LRRC7: variants seen among roughly 807,000 people sequenced by gnomAD.
LRRC7 encodes the protein leucine rich repeat containing 7.
In LRRC7, 23 loss-of-function variants were observed where a neutral mutation model predicts 175.7. The ratio of observed to expected loss-of-function variants is 0.13; its 90% CI spans 0.09 to 0.19. The LOEUF (loss-of-function observed/expected upper bound fraction) is 0.19, where lower values mean the gene tolerates loss of function less well. Among genes scored for constraint, LRRC7 ranks in the 10% least tolerant of loss-of-function variants. The probability of loss-of-function intolerance (pLI) is 1.00; values close to 1 mark genes in which losing one functional copy is unlikely to be tolerated. For synonymous variants in LRRC7, 685 were observed against 680.9 expected (o/e 1.01, Z -0.09); for missense variants, 1,354 against 1,904.7 (o/e 0.71, Z 5.38).
chr1:69,608,889 T>C (rs1648218917), intron 1 of LRRC7, among the ~76,000 whole-genome samples: 1 of 135,112 alleles, frequency 7.4e-6, no homozygotes, highest in African/African-American at 2.8e-5. Context: ...TATATATATA[T>C]ATATATATAT....
intron 7 of LRRC7, among the ~76,000 whole-genome samples, chr1:69,881,711 C>G (rs1686616093): frequency 1.0e-5 from 1 of 99,370 alleles, no homozygotes; most frequent in South Asian, 3.0e-4. Flanking sequence ...ATCCCCATCT[C>G]TACAAAAAAA....
At chr1:69,815,159 C>T (rs1469782559) in intron 4 of LRRC7, among the ~76,000 whole-genome samples, 1 of 152,120 alleles carries the variant, frequency 6.6e-6, no homozygotes, top group Non-Finnish European at 1.5e-5. Flanking sequence ...CACCATCATT[C>T]TGGGGATTCC....
intron 2 of LRRC7, among the ~76,000 whole-genome samples, chr1:69,719,983 C>T (rs1666175022): frequency 6.6e-6 from 1 of 151,570 alleles, no homozygotes; most frequent in South Asian, 2.1e-4. Context: ...GTGCACCCTT[C>T]TTTCAACCTT....
chr1:69,864,994 G>C lies in LRRC7; in HGVS notation c.647+26711G>C, dbSNP rs892757087. On this transcript the variant is annotated intron_variant, in intron 7 of 26. Coordinates refer to ENST00000651989, the MANE Select transcript of LRRC7 (RefSeq NM_001370785.2). ...GTCCTTGAAAAAAATCTCAGCATCT[G>C]TTTGCCATGAGAAAGTTGTTTGTTG... Among the ~76,000 whole-genome samples, 9 of 152,264 alleles carry C rather than the reference G, an allele frequency of 5.9e-5. No homozygotes were observed. In the East Asian group the frequency reaches 1.5e-3, roughly 26 times the overall value.
In LRRC7 at chr1:69,952,144, T is replaced by G. The variant is rs554205209; in HGVS notation, c.711+20574T>G. Among the ~76,000 whole-genome samples the G allele has an allele frequency of 2.6e-5, 4 of 152,102 alleles. No homozygotes were observed. The East Asian group carries it at 7.7e-4, about 29-fold the overall frequency. On this transcript the variant is annotated intron_variant, in intron 8 of 26. Transcript: ENST00000651989. The stretch of plus-strand genomic sequence containing the variant: ...AAATACATAAAAGTTTTACAAAGTT[T>G]AAGATGTTATATAATATAACTAATT...
At chr1:69,811,401 C>T (rs923283159) in intron 4 of LRRC7, among the ~76,000 whole-genome samples, 1 of 151,978 alleles carries the variant, frequency 6.6e-6, no homozygotes, top group African/African-American at 2.4e-5. Context: ...ACCATTTGAC[C>T]CAGCAATCTC....
At chr1:69,971,058 G>A (rs563049809) in intron 8 of LRRC7, among the ~76,000 whole-genome samples, 126 of 152,126 alleles carry the variant, frequency 8.3e-4, no homozygotes, top group Middle Eastern at 3.4e-3. Flanking sequence ...TGTAGAAAAA[G>A]CATTTAACAA....
chr1:70,008,468 G>A (rs1656190899), intron 11 of LRRC7, among the ~76,000 whole-genome samples: 6 of 152,140 alleles, frequency 3.9e-5, no homozygotes, highest in Admixed American at 3.9e-4. Flanking sequence ...TTTCTGCCAT[G>A]ATGCTTGAAT....
chr1:69,793,229 A>G (rs1006712082), intron 4 of LRRC7, among the ~76,000 whole-genome samples: 2 of 152,156 alleles, frequency 1.3e-5, no homozygotes, highest in Admixed American at 1.3e-4. Context: ...GATGCATTCA[A>G]CATGAAGGGC....
At chr1:69,874,030 T>C (rs562138980) in intron 7 of LRRC7, 3 of 152,276 alleles carry the variant, frequency 2.0e-5, no homozygotes, top group Admixed American at 2.0e-4. Flanking sequence ...TCTGTCATAC[T>C]CCCTGATGAT....
rs1406193246 is a variant in LRRC7 at position 70,129,487 on chromosome 1, C to T, written c.*7600C>T. On this transcript the variant is annotated 3_prime_UTR_variant, in exon 27 of 27. Coordinates refer to ENST00000651989, the MANE Select transcript of LRRC7 (RefSeq NM_001370785.2). ...GGTCCAGCACTGAGTCTGTATGCCC[C>T]TGACGTTACGGGAGAAGGAGATGGA... Among the ~76,000 whole-genome samples the T allele has an allele frequency of 6.6e-6, 1 of 152,062 alleles. No homozygotes were observed.
intron 25 of LRRC7, among the ~76,000 whole-genome samples, chr1:70,091,396 A>G (rs1179689605): frequency 2.6e-5 from 4 of 152,106 alleles, no homozygotes; most frequent in African/African-American, 9.7e-5. Flanking sequence ...CATCTCTTTC[A>G]TAAATTCTTT....
chr1:69,700,894 C>A (rs2100695169), intron 2 of LRRC7, among the ~76,000 whole-genome samples: 1 of 152,238 alleles, frequency 6.6e-6, no homozygotes. Context: ...CAAGGCCATT[C>A]CAGAAAGAAG....
chr1:69,953,416 T>C (rs1291644382), intron 8 of LRRC7, among the ~76,000 whole-genome samples: 4 of 152,054 alleles, frequency 2.6e-5, no homozygotes, highest in African/African-American at 7.2e-5. Context: ...CAAAGAGATC[T>C]GTACTGCACC....
chr1:70,100,656 T>A (rs1461507680), intron 25 of LRRC7, among the ~76,000 whole-genome samples: 2 of 152,144 alleles, frequency 1.3e-5, no homozygotes, highest in African/African-American at 4.8e-5. Context: ...AAGACTTTAG[T>A]CAGTTGCAGA....
intron 2 of LRRC7, among the ~76,000 whole-genome samples, chr1:69,708,981 G>A (rs1664412328): frequency 1.3e-5 from 2 of 151,998 alleles, no homozygotes; most frequent in South Asian, 4.2e-4. Context: ...AATAAGGGAG[G>A]GATTAAATAT....
At chr1:69,997,241 A>G (rs1020665801) in intron 11 of LRRC7, among the ~76,000 whole-genome samples, 5 of 152,120 alleles carry the variant, frequency 3.3e-5, no homozygotes, top group Non-Finnish European at 7.3e-5. Context: ...ATTTTTGTAC[A>G]TTGATTTTGT....
chr1:69,774,228 C>G (rs1471561010), intron 3 of LRRC7, among the ~76,000 whole-genome samples: 1 of 152,180 alleles, frequency 6.6e-6, no homozygotes, highest in Non-Finnish European at 1.5e-5. Context: ...GCCGGCTATA[C>G]AGGGCACAGG....
Position 69,810,547 on chromosome 1 carries a change from A to G in LRRC7, c.422-15201A>G, listed in dbSNP as rs1458487944. The stretch of plus-strand genomic sequence containing the variant: ...ATACTACAAGGCCACAGCAACTAAA[A>G]CAGCATGATACTGGTACCAAAACAG... On this transcript the variant is annotated intron_variant, in intron 4 of 26. Coordinates refer to ENST00000651989, the MANE Select transcript of LRRC7 (RefSeq NM_001370785.2). Among the ~76,000 whole-genome samples the G allele has an allele frequency of 2.0e-5, 3 of 152,300 alleles. No homozygotes were observed. The East Asian group carries it at 5.8e-4, about 29-fold the overall frequency.
Sources: gnomAD v4.1 joint callset for allele counts (sites outside exome capture counted in the v4.1 genomes callset) on GRCh38, gnomAD v4.1.1 for gene constraint, MANE v1.5 for transcripts, NCBI Gene and HGNC (gene_info 2026-07-23, HGNC 2026-07-21) for gene names.